RARB: variants seen among roughly 807,000 people sequenced by gnomAD.
RARB encodes the protein retinoic acid receptor beta.
RARB carries 17 observed loss-of-function variants against 51.9 expected under a neutral mutation model. That is an observed-to-expected ratio of 0.33 (90% confidence interval 0.22 to 0.49). The LOEUF is 0.49. Ranked by LOEUF, RARB falls within the 20% of genes least tolerant of loss-of-function variation. The probability of loss-of-function intolerance (pLI) is 0.99; values close to 1 mark genes in which losing one functional copy is unlikely to be tolerated. For missense variants in RARB, 369 were observed against 550.8 expected (o/e 0.67, Z 3.30); for synonymous variants, 215 against 195.4 (o/e 1.10, Z -0.84).
At chr3:24,995,337 A>G (rs1696999140) in intron 2 of RARB, among the ~76,000 whole-genome samples, 1 of 151,522 alleles carries the variant, frequency 6.6e-6, no homozygotes. Flanking sequence ...TTCATTTTGC[A>G]TTCTGCAACT....
At chr3:25,072,364 T>C (rs996082807) in intron 3 of RARB, among the ~76,000 whole-genome samples, 2 of 152,088 alleles carry the variant, frequency 1.3e-5, no homozygotes, top group African/African-American at 4.8e-5. Flanking sequence ...TGTTTGTTAG[T>C]AGATGAGAGA....
At chr3:24,913,055 A>G (rs1695028445) in intron 2 of RARB, among the ~76,000 whole-genome samples, 1 of 132,264 alleles carries the variant, frequency 7.6e-6, no homozygotes, top group South Asian at 2.5e-4. Flanking sequence ...TTCTCGGCTC[A>G]CTGCAAGCTC....
At chr3:24,944,334 T>A (rs553060428) in intron 2 of RARB, among the ~76,000 whole-genome samples, 33 of 152,224 alleles carry the variant, frequency 2.2e-4, no homozygotes, top group Non-Finnish European at 4.4e-4. Context: ...TGACACATAA[T>A]AAACATTTGC....
At chr3:24,966,343 A>C (rs902786643) in intron 2 of RARB, among the ~76,000 whole-genome samples, 1 of 152,112 alleles carries the variant, frequency 6.6e-6, no homozygotes, top group African/African-American at 2.4e-5. Context: ...TAAAAGAAAC[A>C]ATTTTAACAA....
At chr3:24,910,514 C>A (rs1694970098) in intron 2 of RARB, among the ~76,000 whole-genome samples, 1 of 152,154 alleles carries the variant, frequency 6.6e-6, no homozygotes. Context: ...CAAAGGAGAG[C>A]TGTTTTAGTT....
chr3:25,198,766 T>A (rs1701310340), intron 5 of RARB, among the ~76,000 whole-genome samples: 1 of 151,948 alleles, frequency 6.6e-6, no homozygotes, highest in South Asian at 2.1e-4. Context: ...TTAAAATGGC[T>A]TTTATCCAAA....
chr3:25,150,737 C>T (rs973748894), intron 4 of RARB, among the ~76,000 whole-genome samples: 7 of 152,182 alleles, frequency 4.6e-5, no homozygotes, highest in Non-Finnish European at 1.0e-4. Flanking sequence ...CTTCTTTGAA[C>T]TTCCAAGAGA....
At chr3:24,890,250 C>T (rs1203796157) in intron 2 of RARB, among the ~76,000 whole-genome samples, 1 of 152,168 alleles carries the variant, frequency 6.6e-6, no homozygotes, top group Non-Finnish European at 1.5e-5. Context: ...TCACTCTCCT[C>T]TCTTCCCAGT....
intron 3 of RARB, among the ~76,000 whole-genome samples, chr3:25,547,692 T>G (rs1438311387): frequency 6.6e-6 from 1 of 152,138 alleles, no homozygotes; most frequent in East Asian, 1.9e-4. Context: ...CTTGGTAACC[T>G]GTGTTGGAGT....
chr3:24,984,639 C>G (rs1421488534), intron 2 of RARB, among the ~76,000 whole-genome samples: 1 of 152,086 alleles, frequency 6.6e-6, no homozygotes, highest in African/African-American at 2.4e-5. Flanking sequence ...TATGAAGTTG[C>G]ATTTATGTAT....
chr3:25,216,689 C>T (rs980220989), intron 5 of RARB, among the ~76,000 whole-genome samples: 11 of 150,364 alleles, frequency 7.3e-5, no homozygotes, highest in Admixed American at 2.7e-4. Context: ...ACATTCTGCA[C>T]GTGTATCCTG....
intron 4 of RARB, among the ~76,000 whole-genome samples, chr3:25,163,504 A>AAAAAAAAAAAAAAAATATAT (rs1303712411): frequency 2.4e-4 from 32 of 131,104 alleles, no homozygotes; most frequent in African/African-American, 9.3e-4. Context: ...CCTATCTCAA[A>AAAAAAAAAAAAAAAATATAT]ATATATATAT....
intron 4 of RARB, among the ~76,000 whole-genome samples, chr3:25,146,841 CT>C (rs1181218247): frequency 1.3e-5 from 2 of 152,126 alleles, no homozygotes; most frequent in Non-Finnish European, 2.9e-5. Flanking sequence ...TGAATTCATT[CT>C]TTTGGCGCTT....
At position 25,178,140 on chromosome 3, in the gene RARB, C is replaced by T. The variant is rs527620271; in HGVS notation, c.178+3565C>T. Reference sequence around the variant, plus strand: ...GTAGGGGAAGATGTGGCCACTTTTCCGAAGGTCTGTTCTCAAGAACTTTCT... The same window carrying T: ...GTAGGGGAAGATGTGGCCACTTTTCTGAAGGTCTGTTCTCAAGAACTTTCT... On this transcript the variant is annotated intron_variant, in intron 5 of 11. Coordinates refer to the RARB transcript ENST00000383772. Among the ~76,000 whole-genome samples the T allele has an allele frequency of 3.2e-4, 48 of 151,964 alleles. 1 individual carries two copies. Among genetic ancestry groups the T allele is most frequent in the Admixed American group, 1.1e-3 (17 of 15,260 alleles).
At chr3:25,513,115 TAAAAAAAAAA>T (rs11420573) in intron 3 of RARB, among the ~76,000 whole-genome samples, 2 of 98,506 alleles carry the variant, frequency 2.0e-5, no homozygotes, top group South Asian at 6.9e-4. Context: ...CTGTCTTTAC[TAAAAAAAAAA>T]AAAAAAAAAA....
intron 2 of RARB, among the ~76,000 whole-genome samples, chr3:25,049,699 G>T (rs377058120): frequency 2.7e-4 from 41 of 152,208 alleles, no homozygotes; most frequent in African/African-American, 8.9e-4. Flanking sequence ...AAAAAATTAA[G>T]GATATTATTT....
chr3:25,517,238 C>A (rs565302942), intron 3 of RARB, among the ~76,000 whole-genome samples: 1 of 152,174 alleles, frequency 6.6e-6, no homozygotes, highest in African/African-American at 2.4e-5. Flanking sequence ...TTGTTGCTGT[C>A]TTCAATGAAT....
intron 3 of RARB, among the ~76,000 whole-genome samples, chr3:25,536,511 C>T (rs1290714144): frequency 6.6e-6 from 1 of 152,138 alleles, no homozygotes; most frequent in Non-Finnish European, 1.5e-5. Context: ...AATTGAGACA[C>T]TTGAAGGAGG....
chr3:24,935,034 T>A (rs1695521057), intron 2 of RARB, among the ~76,000 whole-genome samples: 2 of 152,170 alleles, frequency 1.3e-5, no homozygotes. Flanking sequence ...TACATCCCTT[T>A]TGGACTATGA....
Sources: gnomAD v4.1 joint callset for allele counts (sites outside exome capture counted in the v4.1 genomes callset) on GRCh38, gnomAD v4.1.1 for gene constraint, MANE v1.5 for transcripts, NCBI Gene and HGNC (gene_info 2026-07-23, HGNC 2026-07-21) for gene names.